MTUS2: variants seen among roughly 807,000 people sequenced by gnomAD.
MTUS2 encodes microtubule-associated tumor suppressor candidate 2.
In MTUS2, 40 loss-of-function variants were observed where a neutral mutation model predicts 114.1. The ratio of observed to expected loss-of-function variants is 0.35; its 90% CI spans 0.27 to 0.46. MTUS2 has a LOEUF of 0.46. MTUS2 is among the 20% of genes least tolerant of loss of function. MTUS2 has a pLI of 1.00. For synonymous variants in MTUS2, 688 were observed against 672.0 expected (o/e 1.02, Z -0.37); for missense variants, 1,679 against 1,705.4 (o/e 0.98, Z 0.27).
chr13:29,162,430 G>A (rs1893138572), intron 5 of MTUS2, among the ~76,000 whole-genome samples: 1 of 152,064 alleles, frequency 6.6e-6, no homozygotes, highest in Non-Finnish European at 1.5e-5. Context: ...AGTTCCTGAT[G>A]CTTTGTCTAG....
At chr13:28,956,542 T>C (rs1238645310) in intron 2 of MTUS2, among the ~76,000 whole-genome samples, 1 of 152,120 alleles carries the variant, frequency 6.6e-6, no homozygotes, top group African/African-American at 2.4e-5. Flanking sequence ...ATTGGAGATA[T>C]GAGAGGTCAG....
chr13:29,478,477 A>G (rs1248635820), intron 9 of MTUS2, among the ~76,000 whole-genome samples: 1 of 152,204 alleles, frequency 6.6e-6, no homozygotes, highest in East Asian at 1.9e-4. Context: ...TAAAAAATAA[A>G]AAGCCCTCAA....
chr13:29,385,752 A>G (rs9551664), intron 8 of MTUS2, among the ~76,000 whole-genome samples: 26,502 of 152,092 alleles, frequency 0.17, 3,460 homozygotes, highest in African/African-American at 0.37. Flanking sequence ...CAGAATTCTC[A>G]TCATCTCTTC....
intron 8 of MTUS2, among the ~76,000 whole-genome samples, chr13:29,382,695 C>T (rs1397847749): frequency 6.6e-6 from 1 of 152,190 alleles, no homozygotes; most frequent in Non-Finnish European, 1.5e-5. Flanking sequence ...TCACTGAGCA[C>T]CTGCTGTGAG....
At chr13:29,015,607 G>A (rs1171861304) in intron 2 of MTUS2, among the ~76,000 whole-genome samples, 2 of 152,170 alleles carry the variant, frequency 1.3e-5, no homozygotes, top group Admixed American at 1.3e-4. Flanking sequence ...TCTGAAGGAA[G>A]TAAAAGGTGT....
chr13:29,143,136 C>T (rs932426628), intron 5 of MTUS2, among the ~76,000 whole-genome samples: 1 of 152,182 alleles, frequency 6.6e-6, no homozygotes, highest in African/African-American at 2.4e-5. Flanking sequence ...GCAAGGCATT[C>T]TCTAAGTCCT....
intron 11 of MTUS2, among the ~76,000 whole-genome samples, chr13:29,488,363 G>T (rs1362092211): frequency 6.6e-6 from 1 of 151,754 alleles, no homozygotes; most frequent in Admixed American, 6.6e-5. Context: ...CTCCTTAGGG[G>T]ATTCTAATGT....
At chr13:29,199,813 A>G (rs1202178732) in intron 5 of MTUS2, among the ~76,000 whole-genome samples, 2 of 152,008 alleles carry the variant, frequency 1.3e-5, no homozygotes, top group Admixed American at 6.6e-5. Context: ...CTGTGAATCC[A>G]TCCTGTCCTG....
chr13:28,872,756 C>T (rs545127014), intron 2 of MTUS2, among the ~76,000 whole-genome samples: 1 of 152,302 alleles, frequency 6.6e-6, no homozygotes, highest in African/African-American at 2.4e-5. Flanking sequence ...TGCCTAACAT[C>T]TCCCATTAGG....
intron 9 of MTUS2, among the ~76,000 whole-genome samples, chr13:29,466,578 A>C (rs1251022890): frequency 1.3e-5 from 2 of 152,182 alleles, no homozygotes; most frequent in Non-Finnish European, 2.9e-5. Context: ...ATGAGTAATA[A>C]AGAAAGACAA....
intron 5 of MTUS2, among the ~76,000 whole-genome samples, chr13:29,123,078 C>T (rs1274651986): frequency 6.6e-6 from 1 of 152,032 alleles, no homozygotes; most frequent in African/African-American, 2.4e-5. Flanking sequence ...TTTCTTTATC[C>T]CTGACGTTTC....
chr13:28,946,716 T>G (rs1467880389), intron 2 of MTUS2, among the ~76,000 whole-genome samples: 1 of 151,382 alleles, frequency 6.6e-6, no homozygotes, highest in Admixed American at 6.6e-5. Context: ...ACAACAGGGT[T>G]TTTTTTTTCT....
At chr13:29,288,918 A>C (rs529069761) in intron 6 of MTUS2, among the ~76,000 whole-genome samples, 2 of 152,208 alleles carry the variant, frequency 1.3e-5, no homozygotes, top group East Asian at 1.9e-4. Context: ...AAAACAGCCA[A>C]ATCTGCTCTT....
At chr13:29,317,148 C>G (rs964913877) in intron 6 of MTUS2, among the ~76,000 whole-genome samples, 58 of 152,278 alleles carry the variant, frequency 3.8e-4, no homozygotes, top group African/African-American at 1.3e-3. Flanking sequence ...TTCTAGGCCT[C>G]TATTTGAATA....
intron 5 of MTUS2, among the ~76,000 whole-genome samples, chr13:29,176,392 C>T (rs908740756): frequency 2.6e-5 from 4 of 152,214 alleles, no homozygotes; most frequent in East Asian, 1.9e-4. Context: ...TTTATTGTCC[C>T]GGCACTCCCT....
At chr13:28,904,430 A>G (rs1397304685) in intron 2 of MTUS2, among the ~76,000 whole-genome samples, 1 of 152,142 alleles carries the variant, frequency 6.6e-6, no homozygotes, top group Admixed American at 6.5e-5. Flanking sequence ...TAAGTTTTGT[A>G]TAAGGTGTAA....
At chr13:29,156,519 A>G (rs9508302) in intron 5 of MTUS2, among the ~76,000 whole-genome samples, 59,490 of 151,906 alleles carry the variant, frequency 0.39, 13,707 homozygotes, top group Non-Finnish European at 0.48. Flanking sequence ...GAGGGGAAGC[A>G]GTGCCAAATC....
intron 4 of MTUS2, among the ~76,000 whole-genome samples, chr13:29,081,070 A>G (rs1430436236): frequency 6.6e-6 from 1 of 152,170 alleles, no homozygotes; most frequent in African/African-American, 2.4e-5. Flanking sequence ...TGACATAAAT[A>G]AAGCAGGGCA....
intron 4 of MTUS2, among the ~76,000 whole-genome samples, chr13:29,055,601 G>C (rs1264757552): frequency 6.6e-6 from 1 of 151,996 alleles, no homozygotes; most frequent in Non-Finnish European, 1.5e-5. Context: ...TTCCCTTATA[G>C]ATGAGAACAT....
Sources: allele counts gnomAD v4.1 joint callset (sites outside exome capture counted in the v4.1 genomes callset), GRCh38; gene constraint gnomAD v4.1.1; transcripts MANE v1.5; gene names NCBI Gene and HGNC (gene_info 2026-07-23, HGNC 2026-07-21).